Variants in HIGD1A observed in about 807,000 individuals in gnomAD.
HIGD1A encodes HIG1 hypoxia inducible domain family member 1A.
A neutral mutation model predicts 11.3 loss-of-function variants in HIGD1A; 8 were observed. That is an observed-to-expected ratio of 0.71 (90% CI 0.42 to 1.28). HIGD1A has a LOEUF of 1.28. Among genes scored for constraint, HIGD1A ranks in the 50% most tolerant of loss-of-function variants. HIGD1A has a pLI of 0.01. For synonymous variants in HIGD1A, 32 were observed against 38.4 expected (o/e 0.83, Z 0.62); for missense variants, 107 against 118.8 (o/e 0.90, Z 0.46).
intron 1 of HIGD1A, among the ~76,000 whole-genome samples, chr3:42,800,244 G>A (rs180835851): frequency 1.9e-4 from 29 of 152,046 alleles, no homozygotes; most frequent in Admixed American, 1.3e-4. Context: ...CAGGAGGATC[G>A]CTTGAACCCG....
chr3:42,789,305 A>G (rs1472048638), intron 2 of HIGD1A, among the ~76,000 whole-genome samples: 2 of 152,096 alleles, frequency 1.3e-5, no homozygotes, highest in East Asian at 1.9e-4. Flanking sequence ...CTCCCAAAAA[A>G]GTGCTGGGAT....
intron 1 of HIGD1A, 178 bp downstream of exon 1, chr3:42,804,258 C>T (rs569202416): frequency 9.0e-6 from 14 of 1,554,420 alleles, no homozygotes; most frequent in Non-Finnish European, 9.7e-6. Context: ...TCCTCTCATC[C>T]GCCCATGCTC....
chr3:42,802,789 C>T (rs1411906788), intron 1 of HIGD1A, among the ~76,000 whole-genome samples: 1 of 152,146 alleles, frequency 6.6e-6, no homozygotes. Flanking sequence ...GATTAGAATC[C>T]AGCTCTTCTG....
intron 2 of HIGD1A, among the ~76,000 whole-genome samples, chr3:42,793,685 A>G (rs1007051052): frequency 2.0e-5 from 3 of 152,252 alleles, no homozygotes; most frequent in Non-Finnish European, 2.9e-5. Context: ...CAATAAAATA[A>G]GAAGTCTCAG....
At position 42,783,965 on chromosome 3, in the gene HIGD1A, A is replaced by G. The variant is rs986073949; in HGVS notation, c.*1306T>C. On this transcript the variant is annotated 3_prime_UTR_variant, in exon 4 of 4. Transcript: ENST00000321331. ...TTGGTGCATGCCTGTAATCACAGCT[A>G]CTCAGGAGGCTGAGGCAAGAGAATC... Among the ~76,000 whole-genome samples, 1 of 151,910 alleles carries G rather than the reference A, an allele frequency of 6.6e-6. No homozygotes were observed. Among genetic ancestry groups the G allele is most frequent in the African/African-American group, 2.4e-5 (1 of 41,356 alleles).
chr3:42,796,145 G>A (rs902457074), intron 1 of HIGD1A, among the ~76,000 whole-genome samples: 4 of 152,158 alleles, frequency 2.6e-5, no homozygotes, highest in African/African-American at 2.4e-5. Context: ...AACTCCGGAG[G>A]GGGTGGTGTG....
rs537685324 is a variant in HIGD1A at position 42,786,034 on chromosome 3, T to A, written c.226A>T (p.Thr76Ser). ...AAQGFVVGAM[T>S]VGMGYSMYRE... Reference sequence around the variant, plus strand: ...ATTTCCTATAGGAACCTACCAACAGTCATTGCTCCTACAACAAAGCCTTGG... The same window carrying A: ...ATTTCCTATAGGAACCTACCAACAGACATTGCTCCTACAACAAAGCCTTGG... The change falls in exon 3 of 4, where the codon ACT becomes TCT. Residue 76 changes from threonine (T) to serine (S), a missense_variant. Thr to Ser is a moderately conservative substitution (Grantham distance 58). Coordinates refer to ENST00000321331, the MANE Select transcript of HIGD1A (RefSeq NM_014056.4). 139 of 1,612,466 alleles carry A rather than the reference T, an allele frequency of 8.6e-5. 2 individuals carry two copies. The South Asian group carries it at 1.5e-3, about 17-fold the overall frequency.
intron 1 of HIGD1A, chr3:42,804,137 C>G: frequency 1.2e-6 from 2 of 1,604,240 alleles, no homozygotes; most frequent in Non-Finnish European, 1.7e-6. Flanking sequence ...CTCATTACCA[C>G]CCCATCAGCG....
At chr3:42,804,044 T>G in intron 1 of HIGD1A, 3 of 1,013,912 alleles carry the variant, frequency 3.0e-6, no homozygotes, top group South Asian at 3.1e-5. Flanking sequence ...AGCCCGCTCT[T>G]CAGAATGTTC....
At chr3:42,791,398 T>A (rs5027058) in intron 2 of HIGD1A, among the ~76,000 whole-genome samples, 145,335 of 152,228 alleles carry the variant, frequency 0.95, 69,758 homozygotes, top group East Asian at 1. Flanking sequence ...GAAAAAGACA[T>A]CCTAGTTAAA....
At chr3:42,799,423 G>A (rs1250068579) in intron 1 of HIGD1A, among the ~76,000 whole-genome samples, 1 of 152,140 alleles carries the variant, frequency 6.6e-6, no homozygotes, top group African/African-American at 2.4e-5. Flanking sequence ...CAAGAAGGGG[G>A]TTTGTTTTAG....
intron 1 of HIGD1A, among the ~76,000 whole-genome samples, chr3:42,801,305 CT>C (rs1205659831): frequency 6.6e-6 from 1 of 152,188 alleles, no homozygotes; most frequent in African/African-American, 2.4e-5. Flanking sequence ...AATTGACCTC[CT>C]CTCAGAAATT....
intron 1 of HIGD1A, among the ~76,000 whole-genome samples, chr3:42,795,894 C>A (rs1700491620): frequency 6.6e-6 from 1 of 152,116 alleles, no homozygotes; most frequent in African/African-American, 2.4e-5. Context: ...TTTTGAATTG[C>A]AATAAACTTT....
Position 42,784,965 on chromosome 3 carries a change from C to T in HIGD1A, c.*306G>A. The T allele has an allele frequency of 3.1e-6, 1 of 318,460 alleles. No homozygotes were observed. Among genetic ancestry groups the T allele is most frequent in the African/African-American group, 2.1e-5 (1 of 46,762 alleles). 19.7% of individuals were successfully genotyped at this position (318,460 alleles called of 1,614,324 possible). ...AGTACCTTCAGGATTGGCCTGTTATCTTCTTTAGAACTAAGTTCATCTTAA... is the reference window on the plus strand; with the variant it reads ...AGTACCTTCAGGATTGGCCTGTTATTTTCTTTAGAACTAAGTTCATCTTAA... On this transcript the variant is annotated 3_prime_UTR_variant, in exon 4 of 4. Transcript: ENST00000321331.
intron 1 of HIGD1A, among the ~76,000 whole-genome samples, chr3:42,802,682 T>C (rs1700581638): frequency 6.6e-6 from 1 of 152,196 alleles, no homozygotes; most frequent in East Asian, 1.9e-4. Flanking sequence ...ATCAGATGAA[T>C]AATCCAAGCC....
chr3:42,796,169 G>A (rs1032026723), intron 1 of HIGD1A, among the ~76,000 whole-genome samples: 1 of 152,172 alleles, frequency 6.6e-6, no homozygotes, highest in South Asian at 2.1e-4. Context: ...AGTTTAGAAA[G>A]TGAATTCATC....
At chr3:42,791,193 A>G (rs1700417964) in intron 2 of HIGD1A, among the ~76,000 whole-genome samples, 1 of 152,220 alleles carries the variant, frequency 6.6e-6, no homozygotes, top group Admixed American at 6.5e-5. Context: ...ATAGAAAATT[A>G]AAGTATCCAT....
Position 42,784,219 on chromosome 3 carries a change from A to T in HIGD1A, c.*1052T>A, listed in dbSNP as rs542991678. 1 of 152,348 alleles carries T rather than the reference A, an allele frequency of 6.6e-6. No individual in the cohort carries two copies. Among genetic ancestry groups the T allele is most frequent in the Non-Finnish European group, 1.5e-5 (1 of 68,028 alleles). The allele number at this position is 152,348 out of a possible 1,614,324, so 9.4% of individuals were successfully genotyped here. ...AGAACATGATTAGAGAACAACAACAAAAAAGACAATTTCCTGAAACTTGTT... is the reference window on the plus strand; with the variant it reads ...AGAACATGATTAGAGAACAACAACATAAAAGACAATTTCCTGAAACTTGTT... On this transcript the variant is annotated 3_prime_UTR_variant, in exon 4 of 4. Transcript: ENST00000321331.
Position 42,784,682 on chromosome 3 carries a change from C to T in HIGD1A, c.*589G>A, listed in dbSNP as rs1700327636. ...ACTAAACTAGAATCCTTAAATTATT[C>T]TCATGTTTACAGTTGTGATTCTTTA... On this transcript the variant is annotated 3_prime_UTR_variant, in exon 4 of 4. Transcript: ENST00000321331. 1 of 152,552 alleles carries T rather than the reference C, an allele frequency of 6.6e-6. No homozygotes were observed. The highest frequency in any genetic ancestry group is 1.9e-4 in the East Asian group (1 of 5,200). 9.4% of individuals were successfully genotyped at this position (152,552 alleles called of 1,614,324 possible).
Sources: gnomAD v4.1 joint callset for allele counts (sites outside exome capture counted in the v4.1 genomes callset) on GRCh38, gnomAD v4.1.1 for gene constraint, MANE v1.5 for transcripts, NCBI Gene and HGNC (gene_info 2026-07-23, HGNC 2026-07-21) for gene names.